Variants in CFAP299 observed in about 807,000 individuals in gnomAD.
The protein encoded by CFAP299 is cilia and flagella associated protein 299.
Under a neutral mutation model 27.0 loss-of-function variants are expected in CFAP299, and 21 were observed. The observed-to-expected ratio is 0.78, with a 90% CI of 0.55 to 1.12. The LOEUF (loss-of-function observed/expected upper bound fraction) is 1.12, where lower values mean the gene tolerates loss of function less well. Ranked by LOEUF, CFAP299 falls within the 50% of genes most tolerant of loss-of-function variation. The pLI is 0.00. For missense variants in CFAP299, 310 were observed against 276.6 expected (o/e 1.12, Z -0.86); for synonymous variants, 104 against 98.1 (o/e 1.06, Z -0.36).
chr4:80,641,344 A>G (rs1378141548), intron 3 of CFAP299, among the ~76,000 whole-genome samples: 1 of 152,078 alleles, frequency 6.6e-6, no homozygotes, highest in Non-Finnish European at 1.5e-5. Context: ...AGCTGGGACT[A>G]CAGGCACACA....
intron 2 of CFAP299, among the ~76,000 whole-genome samples, chr4:80,405,011 A>G (rs1439927251): frequency 6.6e-6 from 1 of 152,150 alleles, no homozygotes; most frequent in Non-Finnish European, 1.5e-5. Context: ...ATACTGACAT[A>G]TATCGTCAAA....
the CFAP299 span, among the ~76,000 whole-genome samples, chr4:80,321,454 C>T: frequency 6.6e-6 from 1 of 152,122 alleles, no homozygotes; most frequent in East Asian, 1.9e-4. Context: ...GAGGTCTGCT[C>T]CAGGCCGTGG....
At chr4:80,779,755 T>C (rs557941621) in intron 3 of CFAP299, among the ~76,000 whole-genome samples, 7 of 152,090 alleles carry the variant, frequency 4.6e-5, no homozygotes, top group African/African-American at 1.4e-4. Flanking sequence ...ACCCCCCTAA[T>C]TGGCACTGTT....
rs1041142796 is a variant in CFAP299 at position 80,858,761 on chromosome 4, C to G, written c.334-11232C>G. ...TCCTGAGTTCTAGTTTGATTGCACT[C>G]TGGTCTGAGAGATAGTTTGTTATAA... On this transcript the variant is annotated intron_variant, in intron 3 of 5. Coordinates refer to ENST00000358105, the MANE Select transcript of CFAP299 (RefSeq NM_152770.3). Among the ~76,000 whole-genome samples the G allele has an allele frequency of 2.5e-3, 379 of 152,020 alleles. 1 individual carries two copies. The highest frequency in any genetic ancestry group is 7.0e-3 in the African/African-American group (289 of 41,420).
At chr4:80,699,944 G>C (rs1337591636) in intron 3 of CFAP299, among the ~76,000 whole-genome samples, 3 of 152,126 alleles carry the variant, frequency 2.0e-5, no homozygotes, top group Admixed American at 6.6e-5. Flanking sequence ...CCTTTTGGAA[G>C]GGTTATGGAA....
At chr4:80,918,971 G>C (rs1735902884) in intron 4 of CFAP299, among the ~76,000 whole-genome samples, 1 of 152,096 alleles carries the variant, frequency 6.6e-6, no homozygotes, top group African/African-American at 2.4e-5. Flanking sequence ...ATGTCCAGCA[G>C]AAGCAAGAGC....
In CFAP299 at chr4:80,949,557, AG is replaced by A. The variant is rs371514099; in HGVS notation, c.606+4619del. 2.1e-3 allele frequency among the ~76,000 whole-genome samples: 321 copies of A among 151,520 alleles called. 1 individual carries two copies. Among genetic ancestry groups the A allele is most frequent in the African/African-American group, 7.5e-3 (309 of 41,132 alleles). On this transcript the variant is annotated intron_variant, in intron 5 of 5. Coordinates refer to ENST00000358105, the MANE Select transcript of CFAP299 (RefSeq NM_152770.3). ...AAAAACAACAACAACAAAAAAAAAA[AG>A]AAGCAGGATCATAAAAAAAAAACAA...
intron 3 of CFAP299, among the ~76,000 whole-genome samples, chr4:80,745,237 A>G (rs915717522): frequency 9.9e-5 from 15 of 152,272 alleles, no homozygotes; most frequent in Non-Finnish European, 1.8e-4. Flanking sequence ...CACTTTACAC[A>G]TGAGGAAACC....
chr4:80,572,818 G>A (rs565759394), intron 2 of CFAP299, among the ~76,000 whole-genome samples: 1 of 151,784 alleles, frequency 6.6e-6, no homozygotes, highest in African/African-American at 2.4e-5. Flanking sequence ...TGCCTGGCCC[G>A]ATCTCAGCCT....
At chr4:80,895,775 G>A (rs930808741) in intron 4 of CFAP299, among the ~76,000 whole-genome samples, 1 of 151,988 alleles carries the variant, frequency 6.6e-6, no homozygotes, top group Non-Finnish European at 1.5e-5. Flanking sequence ...GTGCAGAACT[G>A]TGGAAGGCAG....
chr4:80,754,396 T>A (rs1725114470), intron 3 of CFAP299, among the ~76,000 whole-genome samples: 1 of 152,098 alleles, frequency 6.6e-6, no homozygotes, highest in Non-Finnish European at 1.5e-5. Context: ...TATCTTGCTG[T>A]GGGTAGGAGA....
intron 3 of CFAP299, among the ~76,000 whole-genome samples, chr4:80,841,748 A>G (rs1730870883): frequency 6.6e-6 from 1 of 152,082 alleles, no homozygotes; most frequent in East Asian, 1.9e-4. Context: ...AAGTAGGCCC[A>G]TGGCAGAGCT....
chr4:80,818,957 G>T (rs995268990), intron 3 of CFAP299, among the ~76,000 whole-genome samples: 12 of 152,082 alleles, frequency 7.9e-5, no homozygotes, highest in African/African-American at 2.9e-4. Context: ...AGCAGGGTTT[G>T]AATAGTGTAT....
intron 3 of CFAP299, among the ~76,000 whole-genome samples, chr4:80,618,913 GT>G (rs1467283257): frequency 6.6e-6 from 1 of 151,896 alleles, no homozygotes; most frequent in Non-Finnish European, 1.5e-5. Context: ...TAAAAACTTT[GT>G]TTAAAGTACA....
chr4:80,773,763 G>C (rs958588406), intron 3 of CFAP299, among the ~76,000 whole-genome samples: 1 of 151,936 alleles, frequency 6.6e-6, no homozygotes, highest in African/African-American at 2.4e-5. Flanking sequence ...GTGCTTGATT[G>C]CAATTAAGTG....
At chr4:80,572,778 A>C (rs954900311) in intron 2 of CFAP299, among the ~76,000 whole-genome samples, 7 of 151,758 alleles carry the variant, frequency 4.6e-5, no homozygotes, top group Non-Finnish European at 1.0e-4. Flanking sequence ...GGGCCTCCCA[A>C]AGTGCTGGAA....
At chr4:80,926,188 C>T (rs1190383622) in intron 4 of CFAP299, among the ~76,000 whole-genome samples, 6 of 151,966 alleles carry the variant, frequency 3.9e-5, no homozygotes, top group African/African-American at 1.4e-4. Flanking sequence ...TAGAGAAATG[C>T]ACATAGTAGA....
At chr4:80,372,431 C>T (rs984612460) in intron 2 of CFAP299, among the ~76,000 whole-genome samples, 4 of 152,288 alleles carry the variant, frequency 2.6e-5, no homozygotes, top group Admixed American at 6.5e-5. Context: ...GTGTAGCAGG[C>T]GTTCAATGAG....
chr4:80,598,398 C>G (rs915972175), intron 3 of CFAP299, among the ~76,000 whole-genome samples: 1 of 152,186 alleles, frequency 6.6e-6, no homozygotes, highest in Admixed American at 6.5e-5. Context: ...ACAATATAAA[C>G]TTCAATGTTA....
Sources: gnomAD v4.1 joint callset for allele counts (sites outside exome capture counted in the v4.1 genomes callset) on GRCh38, gnomAD v4.1.1 for gene constraint, MANE v1.5 for transcripts, NCBI Gene and HGNC (gene_info 2026-07-23, HGNC 2026-07-21) for gene names.